Variants in STK39 observed in about 807,000 individuals in gnomAD.
STK39 encodes the protein serine/threonine kinase 39.
STK39 carries 20 observed loss-of-function variants against 77.8 expected under a neutral mutation model. That is an observed-to-expected ratio of 0.26 (90% CI 0.18 to 0.37). The LOEUF (loss-of-function observed/expected upper bound fraction) is 0.37. Ranked by LOEUF, STK39 falls within the 10% of genes least tolerant of loss-of-function variation. STK39 has a pLI of 1.00. For synonymous variants in STK39, 246 were observed against 234.1 expected (o/e 1.05, Z -0.47); for missense variants, 479 against 656.5 (o/e 0.73, Z 2.95).
At chr2:168,104,369 CACA>C (rs1294729225) in intron 10 of STK39, among the ~76,000 whole-genome samples, 1 of 152,048 alleles carries the variant, frequency 6.6e-6, no homozygotes, top group Non-Finnish European at 1.5e-5. Flanking sequence ...AGCAGGAACT[CACA>C]ACGAGAAAAA....
rs1043370948 is a variant in STK39, at chr2:168,197,180, G to A, written c.209-15090C>T. Among the ~76,000 whole-genome samples the A allele has an allele frequency of 8.5e-4, 130 of 152,274 alleles. 1 individual carries two copies. Among genetic ancestry groups the A allele is most frequent in the African/African-American group, 2.9e-3 (120 of 41,554 alleles). On this transcript the variant is annotated intron_variant, in intron 1 of 17. Coordinates refer to ENST00000355999, the MANE Select transcript of STK39 (RefSeq NM_013233.3). ...GTGCTAGGGTAGACAAAGTAGAGAA[G>A]AAGAAAAGTAAAGTGGCTGGATTTG...
intron 7 of STK39, among the ~76,000 whole-genome samples, chr2:168,139,386 TC>T (rs1365461144): frequency 1.5e-5 from 2 of 130,138 alleles, no homozygotes; most frequent in African/African-American, 6.7e-5. Flanking sequence ...TACACTAAAA[TC>T]CTAACTATGT....
At chr2:168,128,138 A>G in intron 10 of STK39, among the ~76,000 whole-genome samples, 1 of 152,196 alleles carries the variant, frequency 6.6e-6, no homozygotes, top group East Asian at 1.9e-4. Context: ...GGACCAGCTA[A>G]CAGGATGGGA....
At chr2:168,141,277 T>G (rs1013683173) in intron 5 of STK39, among the ~76,000 whole-genome samples, 1 of 152,194 alleles carries the variant, frequency 6.6e-6, no homozygotes, top group Admixed American at 6.5e-5. Context: ...CCAGAAATGT[T>G]TTAGATTTTG....
At chr2:168,054,660 G>A (rs1265967055) in intron 14 of STK39, among the ~76,000 whole-genome samples, 1 of 133,152 alleles carries the variant, frequency 7.5e-6, no homozygotes, top group Non-Finnish European at 1.6e-5. Context: ...AAAAACAAAT[G>A]TCGTCTTTTC....
At chr2:168,052,868 A>G (rs1228775665) in intron 14 of STK39, among the ~76,000 whole-genome samples, 3 of 152,248 alleles carry the variant, frequency 2.0e-5, no homozygotes, top group Non-Finnish European at 4.4e-5. Context: ...GGAGCTTCTT[A>G]GTGCAGGGAC....
intron 14 of STK39, among the ~76,000 whole-genome samples, chr2:168,045,610 A>T (rs1685219383): frequency 6.6e-6 from 1 of 152,198 alleles, no homozygotes; most frequent in East Asian, 1.9e-4. Context: ...AGTTCAATAG[A>T]CGTACAGAAG....
intron 2 of STK39, among the ~76,000 whole-genome samples, chr2:168,173,441 G>A (rs1400646): frequency 0.23 from 34,953 of 152,062 alleles, 4,870 homozygotes; most frequent in Non-Finnish European, 0.33. Context: ...GATTTCAAAC[G>A]TCAACCAAGG....
intron 1 of STK39, among the ~76,000 whole-genome samples, chr2:168,217,562 G>A (rs905352599): frequency 6.6e-6 from 1 of 152,136 alleles, no homozygotes; most frequent in Non-Finnish European, 1.5e-5. Context: ...CTCAGTATTC[G>A]TGGGGGATTG....
intron 3 of STK39, among the ~76,000 whole-genome samples, chr2:168,164,667 CA>C (rs1187932736): frequency 6.6e-6 from 1 of 152,200 alleles, no homozygotes; most frequent in Non-Finnish European, 1.5e-5. Context: ...TTTGGCCTCC[CA>C]AAGTGCTGGG....
At chr2:167,993,262 T>C (rs1683748768) in intron 16 of STK39, among the ~76,000 whole-genome samples, 1 of 152,198 alleles carries the variant, frequency 6.6e-6, no homozygotes, top group Non-Finnish European at 1.5e-5. Flanking sequence ...TCCACCCCAA[T>C]GTGCCTGTTC....
chr2:168,086,621 A>C (rs1261897727), intron 10 of STK39, among the ~76,000 whole-genome samples: 1 of 152,264 alleles, frequency 6.6e-6, no homozygotes, highest in African/African-American at 2.4e-5. Flanking sequence ...TTTATAATTT[A>C]ATAATGATAA....
At chr2:168,061,840 A>T (rs1685672658) in intron 14 of STK39, among the ~76,000 whole-genome samples, 1 of 152,214 alleles carries the variant, frequency 6.6e-6, no homozygotes, top group African/African-American at 2.4e-5. Context: ...CCAGGGCAAA[A>T]TAATATCTAA....
intron 14 of STK39, among the ~76,000 whole-genome samples, chr2:168,029,235 G>A (rs1037143088): frequency 1.4e-4 from 21 of 152,144 alleles, no homozygotes; most frequent in Non-Finnish European, 1.5e-5. Flanking sequence ...ACTGAGCACC[G>A]GATTTAGCTT....
At chr2:168,112,610 C>T (rs1165917615) in intron 10 of STK39, among the ~76,000 whole-genome samples, 1 of 151,956 alleles carries the variant, frequency 6.6e-6, no homozygotes, top group Non-Finnish European at 1.5e-5. Context: ...TATAAATTAC[C>T]CAGTCTCAGG....
intron 10 of STK39, among the ~76,000 whole-genome samples, chr2:168,107,049 T>C (rs1686993647): frequency 1.3e-5 from 2 of 152,190 alleles, no homozygotes; most frequent in African/African-American, 4.8e-5. Flanking sequence ...AATTTTAAAT[T>C]TAAAAAATCA....
chr2:167,998,460 T>A (rs1388330726), intron 16 of STK39, among the ~76,000 whole-genome samples: 1 of 152,246 alleles, frequency 6.6e-6, no homozygotes, highest in Non-Finnish European at 1.5e-5. Context: ...CTACTTTGTA[T>A]GTAGTGCTAC....
intron 10 of STK39, among the ~76,000 whole-genome samples, chr2:168,095,996 T>G (rs898651056): frequency 1.3e-5 from 2 of 152,224 alleles, no homozygotes; most frequent in East Asian, 3.8e-4. Flanking sequence ...GCAGAAACCT[T>G]AATATCCATA....
intron 1 of STK39, among the ~76,000 whole-genome samples, chr2:168,234,104 T>C (rs983840208): frequency 6.6e-6 from 1 of 152,242 alleles, no homozygotes; most frequent in Admixed American, 6.5e-5. Context: ...CTGTCTCCTT[T>C]TTGTACTAAG....
Sources: allele counts gnomAD v4.1 joint callset (sites outside exome capture counted in the v4.1 genomes callset), GRCh38; gene constraint gnomAD v4.1.1; transcripts MANE v1.5; gene names NCBI Gene and HGNC (gene_info 2026-07-23, HGNC 2026-07-21).